KDM4C: variants seen among roughly 807,000 people sequenced by gnomAD.
KDM4C encodes lysine-specific demethylase 4C.
In KDM4C, 81 loss-of-function variants were observed where a neutral mutation model predicts 129.3. The ratio of observed to expected loss-of-function variants is 0.63; its 90% CI spans 0.52 to 0.75. KDM4C has a LOEUF of 0.75. KDM4C is among the 30% of genes least tolerant of loss of function. The pLI is 0.00. For missense variants in KDM4C, 1,457 were observed against 1,304.0 expected, an observed-to-expected ratio of 1.12 and a Z score of -1.81; for synonymous variants, 573 against 456.1, an observed-to-expected ratio of 1.26 and a Z score of -3.26.
intron 8 of KDM4C, among the ~76,000 whole-genome samples, chr9:6,909,986 A>G (rs2131068971): frequency 6.6e-6 from 1 of 152,312 alleles, no homozygotes. Flanking sequence ...TATCCTTAAT[A>G]AGGTGCATGT....
rs149614115 is a variant in KDM4C at position 6,894,070 on chromosome 9, A to T, written c.921+838A>T. On this transcript the variant is annotated intron_variant, in intron 8 of 21. Transcript: ENST00000381309. ...AAGCGTATGTGGTCTTATTTTGGCC[A>T]TTGCATGGCTCAACTGAATATCATT... is the stretch of plus-strand genomic sequence containing the variant. 1.1e-4 allele frequency among the ~76,000 whole-genome samples: 16 copies of T among 152,348 alleles called. No homozygotes were observed. In the East Asian group the frequency reaches 2.1e-3, roughly 20 times the overall value.
At chr9:7,167,510 C>A (rs7861453) in intron 20 of KDM4C, among the ~76,000 whole-genome samples, 6,115 of 152,234 alleles carry the variant, frequency 0.04, 210 homozygotes, top group East Asian at 0.14. Flanking sequence ...TGGCCTAGTT[C>A]AATGTTAAAG....
At chr9:6,968,648 GA>G (rs1440927075) in intron 8 of KDM4C, among the ~76,000 whole-genome samples, 12 of 152,170 alleles carry the variant, frequency 7.9e-5, no homozygotes, top group African/African-American at 2.9e-4. Context: ...ATTCCAAAGT[GA>G]GGGTTCGTTG....
chr9:6,805,986 T>C (rs1293224190), intron 3 of KDM4C, among the ~76,000 whole-genome samples: 1 of 152,256 alleles, frequency 6.6e-6, no homozygotes, highest in African/African-American at 2.4e-5. Flanking sequence ...ATCTCGTTCC[T>C]AGCAGTTATA....
chr9:6,969,989 T>C (rs1488789180), intron 8 of KDM4C, among the ~76,000 whole-genome samples: 1 of 152,236 alleles, frequency 6.6e-6, no homozygotes, highest in Non-Finnish European at 1.5e-5. Flanking sequence ...CTGTACCTCA[T>C]TGGTGTTGCT....
At chr9:7,119,051 A>T (rs1044341141) in intron 18 of KDM4C, among the ~76,000 whole-genome samples, 2 of 152,174 alleles carry the variant, frequency 1.3e-5, no homozygotes, top group African/African-American at 2.4e-5. Context: ...GAGAAATGAT[A>T]TTTAAGAATG....
chr9:7,069,845 G>C (rs78314101), intron 17 of KDM4C, among the ~76,000 whole-genome samples: 4,992 of 152,246 alleles, frequency 0.033, 259 homozygotes, highest in African/African-American at 0.11. Context: ...ATTACAATGT[G>C]AGACATGAGG....
At chr9:6,989,539 G>A (rs59828580) in intron 11 of KDM4C, among the ~76,000 whole-genome samples, 377 of 152,008 alleles carry the variant, frequency 2.5e-3, no homozygotes, top group African/African-American at 8.5e-3. Context: ...AAATTTAAGT[G>A]GTTTCAACAT....
At chr9:7,156,364 G>C (rs201507724) in intron 19 of KDM4C, among the ~76,000 whole-genome samples, 7 of 152,068 alleles carry the variant, frequency 4.6e-5, no homozygotes, top group African/African-American at 1.7e-4. Flanking sequence ...TTAATTTCAT[G>C]CCATTTGTCA....
intron 17 of KDM4C, among the ~76,000 whole-genome samples, chr9:7,093,562 C>G (rs1836061491): frequency 6.6e-6 from 1 of 152,078 alleles, no homozygotes; most frequent in African/African-American, 2.4e-5. Flanking sequence ...CCGCATTTTT[C>G]ATTGTTCTTC....
chr9:6,969,372 C>G (rs1207734195), intron 8 of KDM4C, among the ~76,000 whole-genome samples: 1 of 151,996 alleles, frequency 6.6e-6, no homozygotes, highest in Non-Finnish European at 1.5e-5. Flanking sequence ...CTGGTTTAAA[C>G]AGCAATCTAA....
intron 8 of KDM4C, among the ~76,000 whole-genome samples, chr9:6,939,613 A>T (rs2131377435): frequency 1.3e-5 from 2 of 152,308 alleles, no homozygotes; most frequent in Admixed American, 1.3e-4. Flanking sequence ...TGTTAAAGGT[A>T]CTTATACTTT....
At chr9:6,830,208 G>A (rs7038349) in intron 4 of KDM4C, among the ~76,000 whole-genome samples, 81,251 of 152,054 alleles carry the variant, frequency 0.53, 21,904 homozygotes, top group East Asian at 0.61. Context: ...TTGTAACACA[G>A]TGGTATGTGA....
chr9:6,987,661 G>A (rs1361128472), intron 11 of KDM4C, among the ~76,000 whole-genome samples: 1 of 152,036 alleles, frequency 6.6e-6, no homozygotes, highest in Non-Finnish European at 1.5e-5. Flanking sequence ...TGAATACCTT[G>A]CGTCTTATCA....
At chr9:6,883,635 C>T (rs1380389933) in intron 6 of KDM4C, among the ~76,000 whole-genome samples, 1 of 152,100 alleles carries the variant, frequency 6.6e-6, no homozygotes, top group Non-Finnish European at 1.5e-5. Flanking sequence ...GAGTGAAAGA[C>T]TTTTAGTTCC....
At chr9:7,077,021 T>TC in intron 17 of KDM4C, 2 of 985,508 alleles carry the variant, frequency 2.0e-6, no homozygotes, top group Non-Finnish European at 2.4e-6. Context: ...AATCCTTCCT[T>TC]CTTGCTGCAC....
chr9:6,948,442 A>G (rs924117199), intron 8 of KDM4C, among the ~76,000 whole-genome samples: 5 of 149,638 alleles, frequency 3.3e-5, no homozygotes, highest in African/African-American at 1.0e-4. Context: ...CATGGTGATG[A>G]TATGACACTT....
chr9:6,895,583 G>A (rs978410973), intron 8 of KDM4C, among the ~76,000 whole-genome samples: 47 of 152,204 alleles, frequency 3.1e-4, no homozygotes, highest in South Asian at 1.0e-3. Flanking sequence ...ACTACAGGGG[G>A]TACCAATTTA....
intron 6 of KDM4C, among the ~76,000 whole-genome samples, chr9:6,885,055 G>A (rs930360832): frequency 6.6e-6 from 1 of 152,158 alleles, no homozygotes; most frequent in Non-Finnish European, 1.5e-5. Flanking sequence ...TAAGAATAGA[G>A]CTCATTGAGT....
Sources: allele counts gnomAD v4.1 joint callset (sites outside exome capture counted in the v4.1 genomes callset), GRCh38; gene constraint gnomAD v4.1.1; transcripts MANE v1.5; gene names NCBI Gene and HGNC (gene_info 2026-07-23, HGNC 2026-07-21).